The following RABGAP1 variants were observed in gnomAD, a reference collection of about 807,000 sequenced individuals.
The protein encoded by RABGAP1 is rab GTPase-activating protein 1.
RABGAP1 carries 23 observed loss-of-function variants against 137.6 expected under a neutral mutation model. The observed-to-expected ratio is 0.17, with a 90% CI of 0.12 to 0.24. RABGAP1 has a LOEUF of 0.24. Ranked by LOEUF, RABGAP1 falls within the 10% of genes least tolerant of loss-of-function variation. The probability of loss-of-function intolerance (pLI) is 1.00; values close to 1 mark genes in which losing one functional copy is unlikely to be tolerated. For missense variants in RABGAP1, 906 were observed against 1,275.8 expected, an observed-to-expected ratio of 0.71 and a Z score of 4.42; for synonymous variants, 451 against 450.7, an observed-to-expected ratio of 1.00 and a Z score of -0.01.
intron 1 of RABGAP1, among the ~76,000 whole-genome samples, chr9:122,953,429 G>GTCTT (rs1834356337): frequency 6.7e-6 from 1 of 149,584 alleles, no homozygotes; most frequent in African/African-American, 2.5e-5. Flanking sequence ...TTGAGACAGA[G>GTCTT]TCTTGCTCTG....
At chr9:122,959,482 C>T (rs1305471071) in intron 2 of RABGAP1, among the ~76,000 whole-genome samples, 1 of 151,494 alleles carries the variant, frequency 6.6e-6, no homozygotes, top group Non-Finnish European at 1.5e-5. Context: ...ACAGCATGTT[C>T]TACTCCTCAG....
intron 6 of RABGAP1, chr9:122,990,793 AAAAATATATATATATATATATATAT>A (rs1836665497): frequency 1.9e-5 from 1 of 52,240 alleles, no homozygotes; most frequent in Admixed American, 2.5e-4. Context: ...AAAAAAAAAA[AAAAATATATATATATATATATATAT>A]ATATATATAT....
chr9:123,065,917 G>T (rs563463236), intron 14 of RABGAP1, among the ~76,000 whole-genome samples: 2 of 152,294 alleles, frequency 1.3e-5, no homozygotes, highest in South Asian at 2.1e-4. Context: ...CTCTCAAAAG[G>T]TCTGTACCCG....
At chr9:123,023,060 A>G (rs949487332) in intron 13 of RABGAP1, among the ~76,000 whole-genome samples, 1 of 152,198 alleles carries the variant, frequency 6.6e-6, no homozygotes, top group African/African-American at 2.4e-5. Flanking sequence ...ATCAAGAGCA[A>G]GAACATATCC....
At chr9:123,017,660 T>A (rs1274308996) in intron 12 of RABGAP1, among the ~76,000 whole-genome samples, 1 of 152,220 alleles carries the variant, frequency 6.6e-6, no homozygotes, top group Non-Finnish European at 1.5e-5. Context: ...TTTCTTCATT[T>A]AGAAAATAGA....
intron 1 of RABGAP1, among the ~76,000 whole-genome samples, chr9:122,948,476 C>G (rs1370787085): frequency 1.3e-5 from 2 of 152,168 alleles, no homozygotes; most frequent in African/African-American, 4.8e-5. Context: ...ACTTAATACC[C>G]ATCTGGCAAG....
rs903494973 is a variant in RABGAP1, at chr9:123,003,593, C to G, written c.1374+4827C>G. Among the ~76,000 whole-genome samples the G allele has an allele frequency of 2.0e-5, 3 of 152,120 alleles. No homozygotes were observed. The East Asian group carries it at 5.8e-4, about 29-fold the overall frequency. On this transcript the variant is annotated intron_variant, in intron 10 of 25. Coordinates refer to ENST00000373647, the MANE Select transcript of RABGAP1 (RefSeq NM_012197.4). ...ACAATATGTAAATGCTTTTTAAGAC[C>G]TGTTTAAAAATTGATTCTTTTTCCT...
intron 13 of RABGAP1, among the ~76,000 whole-genome samples, chr9:123,026,190 G>C (rs543809074): frequency 6.6e-6 from 1 of 152,052 alleles, no homozygotes; most frequent in African/African-American, 2.4e-5. Flanking sequence ...CGGCCGTGGT[G>C]GTGGGCACCT....
chr9:123,089,541 G>A, intron 19 of RABGAP1: 3 of 490,498 alleles, frequency 6.1e-6, no homozygotes, highest in South Asian at 3.6e-5. Context: ...AAAGCCTTAG[G>A]ACCCAAACAT....
intron 13 of RABGAP1, among the ~76,000 whole-genome samples, chr9:123,032,655 C>T (rs897421480): frequency 6.6e-6 from 1 of 152,062 alleles, no homozygotes; most frequent in African/African-American, 2.4e-5. Context: ...TTTCAAATGC[C>T]GGCATTTGTT....
In RABGAP1 at chr9:122,996,524, G is replaced by T; in HGVS notation, c.1035-15G>T. The stretch of plus-strand genomic sequence containing the variant: ...TATCTTTTTTCTTAAATTTATGTCA[G>T]TTCTTTTTTTGTAGGTGTTTTGGTC... On this transcript the variant is annotated splice_polypyrimidine_tract_variant and intron_variant, in intron 7 of 25. Transcript: ENST00000373647. 1 of 1,593,414 alleles carries T rather than the reference G, an allele frequency of 6.3e-7. No individual in the cohort carries two copies. The highest frequency in any genetic ancestry group is 8.5e-7 in the Non-Finnish European group (1 of 1,171,250).
chr9:122,981,570 A>G (rs566742024), intron 2 of RABGAP1, among the ~76,000 whole-genome samples: 2 of 152,284 alleles, frequency 1.3e-5, no homozygotes, highest in African/African-American at 4.8e-5. Context: ...AAATTATTGA[A>G]TACCACCCCA....
intron 19 of RABGAP1, among the ~76,000 whole-genome samples, chr9:123,087,702 T>C (rs182592116): frequency 6.6e-6 from 1 of 152,316 alleles, no homozygotes; most frequent in African/African-American, 2.4e-5. Flanking sequence ...TCTTCCTGGC[T>C]GTCTAACCTT....
At chr9:123,015,772 G>A in intron 12 of RABGAP1, 136 bp downstream of exon 12, 4 of 536,188 alleles carry the variant, frequency 7.5e-6, no homozygotes, top group Non-Finnish European at 6.5e-6. Flanking sequence ...TCTATTTTAG[G>A]GATTTATATG....
chr9:123,081,152 CT>C (rs1196157043), intron 19 of RABGAP1, among the ~76,000 whole-genome samples: 2 of 152,198 alleles, frequency 1.3e-5, no homozygotes, highest in African/African-American at 4.8e-5. Context: ...TTTTCTCTAG[CT>C]TGTTATATTG....
intron 9 of RABGAP1, among the ~76,000 whole-genome samples, chr9:122,998,375 G>C (rs1837148771): frequency 6.6e-6 from 1 of 152,106 alleles, no homozygotes; most frequent in South Asian, 2.1e-4. Context: ...AGTTTTGAAA[G>C]CTTTACAGTG....
At chr9:123,058,521 TATACTA>T (rs1016754826) in intron 13 of RABGAP1, among the ~76,000 whole-genome samples, 19 of 146,658 alleles carry the variant, frequency 1.3e-4, no homozygotes, top group African/African-American at 4.7e-4. Flanking sequence ...AAGGTTTTAT[TATACTA>T]AGAAAGCCAA....
At chr9:123,019,658 A>G (rs2031484215) in intron 12 of RABGAP1, among the ~76,000 whole-genome samples, 1 of 149,540 alleles carries the variant, frequency 6.7e-6, no homozygotes, top group Non-Finnish European at 1.5e-5. Context: ...CATTTATTAT[A>G]TGTCCACTGA....
intron 10 of RABGAP1, among the ~76,000 whole-genome samples, chr9:123,008,722 A>G (rs1238512506): frequency 6.6e-6 from 1 of 152,194 alleles, no homozygotes; most frequent in Non-Finnish European, 1.5e-5. Flanking sequence ...CATGTATCAA[A>G]TATTCTAATT....
Sources: gnomAD v4.1 joint callset for allele counts (sites outside exome capture counted in the v4.1 genomes callset) on GRCh38, gnomAD v4.1.1 for gene constraint, MANE v1.5 for transcripts, NCBI Gene and HGNC (gene_info 2026-07-23, HGNC 2026-07-21) for gene names.